The following XYLT1 variants were observed in gnomAD, a reference collection of about 807,000 sequenced individuals.
XYLT1 encodes xylosyltransferase 1.
XYLT1 carries 36 observed loss-of-function variants against 91.3 expected under a neutral mutation model. The observed-to-expected ratio is 0.39, with a 90% CI of 0.30 to 0.52. XYLT1 has a LOEUF of 0.52. Ranked by LOEUF, XYLT1 falls within the 20% of genes least tolerant of loss-of-function variation. The pLI is 0.68. For synonymous variants in XYLT1, 588 were observed against 532.0 expected (o/e 1.11, Z -1.45); for missense variants, 1,242 against 1,284.5 (o/e 0.97, Z 0.51).
chr16:17,438,873 C>G (rs11859707), intron 1 of XYLT1, among the ~76,000 whole-genome samples: 1 of 151,886 alleles, frequency 6.6e-6, no homozygotes, highest in Non-Finnish European at 1.5e-5. Context: ...TCCCTCAACA[C>G]TGGGAATTAC....
intron 3 of XYLT1, among the ~76,000 whole-genome samples, chr16:17,233,494 C>T (rs575535637): frequency 7.2e-5 from 11 of 152,358 alleles, no homozygotes; most frequent in African/African-American, 2.2e-4. Context: ...CAGGGCTCTG[C>T]GCATACTAAG....
chr16:17,179,752 C>T (rs924386152), intron 5 of XYLT1, among the ~76,000 whole-genome samples: 5 of 152,194 alleles, frequency 3.3e-5, no homozygotes, highest in Non-Finnish European at 7.3e-5. Context: ...TTTAAATCAA[C>T]TTTCATTTTA....
At chr16:17,433,475 T>C (rs780776955) in intron 1 of XYLT1, among the ~76,000 whole-genome samples, 4 of 152,200 alleles carry the variant, frequency 2.6e-5, no homozygotes, top group African/African-American at 2.4e-5. Flanking sequence ...CCTAGAATGA[T>C]CCACAGTGTC....
chr16:17,225,175 A>ACTCTCTCTCT (rs1340850799), intron 3 of XYLT1, among the ~76,000 whole-genome samples: 17 of 88,034 alleles, frequency 1.9e-4, no homozygotes, highest in African/African-American at 2.7e-4. Flanking sequence ...ACACACACAC[A>ACTCTCTCTCT]CACTCTCTCT....
chr16:17,189,864 T>C (rs374739004), intron 5 of XYLT1, among the ~76,000 whole-genome samples: 13 of 152,074 alleles, frequency 8.5e-5, no homozygotes, highest in East Asian at 3.9e-4. Context: ...CTGACCAACA[T>C]GGTGAAACCC....
At chr16:17,339,143 C>G (rs890004256) in intron 2 of XYLT1, among the ~76,000 whole-genome samples, 2 of 152,196 alleles carry the variant, frequency 1.3e-5, no homozygotes, top group Non-Finnish European at 2.9e-5. Flanking sequence ...TATGATTTCT[C>G]TCTCCATCTA....
chr16:17,336,338 C>T (rs571231512), intron 2 of XYLT1, among the ~76,000 whole-genome samples: 1 of 152,324 alleles, frequency 6.6e-6, no homozygotes, highest in Admixed American at 6.5e-5. Flanking sequence ...CCAATACTGT[C>T]ATCTGATTCT....
intron 5 of XYLT1, among the ~76,000 whole-genome samples, chr16:17,174,428 TAGTC>T (rs2031894483): frequency 6.6e-6 from 1 of 152,306 alleles, no homozygotes; most frequent in Admixed American, 6.5e-5. Flanking sequence ...AATGGGATAT[TAGTC>T]AGCCATAGAA....
chr16:17,252,445 A>C (rs1380388317), intron 3 of XYLT1, among the ~76,000 whole-genome samples: 1 of 152,080 alleles, frequency 6.6e-6, no homozygotes. Context: ...GCTCAAAACA[A>C]ATTTCTCGGA....
chr16:17,170,686 A>G (rs1436776119), intron 5 of XYLT1, among the ~76,000 whole-genome samples: 3 of 152,194 alleles, frequency 2.0e-5, no homozygotes, highest in Non-Finnish European at 4.4e-5. Flanking sequence ...CTTTGTGCTT[A>G]TGGCTGAGAA....
chr16:17,354,665 C>T (rs969707590), intron 2 of XYLT1: 1 of 152,218 alleles, frequency 6.6e-6, no homozygotes, highest in Non-Finnish European at 1.5e-5. Flanking sequence ...AAAGCGGGAA[C>T]TGACCCAGGG....
At chr16:17,211,286 A>C (rs2032751724) in intron 3 of XYLT1, among the ~76,000 whole-genome samples, 1 of 152,128 alleles carries the variant, frequency 6.6e-6, no homozygotes, top group Non-Finnish European at 1.5e-5. Flanking sequence ...GTAAAGGCAA[A>C]GGGCAGGGGG....
intron 5 of XYLT1, among the ~76,000 whole-genome samples, chr16:17,163,478 A>G (rs958461848): frequency 6.6e-6 from 1 of 152,160 alleles, no homozygotes; most frequent in South Asian, 2.1e-4. Context: ...GGAGCCCAAC[A>G]CAAAGCCAAC....
chr16:17,167,444 T>C (rs2031716589), intron 5 of XYLT1, among the ~76,000 whole-genome samples: 1 of 152,218 alleles, frequency 6.6e-6, no homozygotes, highest in Non-Finnish European at 1.5e-5. Flanking sequence ...TTCCATCTCG[T>C]GAATGGATTC....
Position 17,134,733 on chromosome 16 carries a change from C to T in XYLT1, c.1767G>A (p.Gln589=). 1 of 1,613,984 alleles carries T rather than the reference C, an allele frequency of 6.2e-7. No homozygotes were observed. Among genetic ancestry groups the T allele is most frequent in the Non-Finnish European group, 8.5e-7 (1 of 1,179,894 alleles). ...FKPQDFHRFQ[Q]TARPTFFARK... ...GGGCAAAGAAGGTAGGCCGGGCTGTCTGCTGTACTCATGGGATTAAAAATA... is the reference window on the plus strand; with the variant it reads ...GGGCAAAGAAGGTAGGCCGGGCTGTTTGCTGTACTCATGGGATTAAAAATA... The change falls in exon 9 of 12, where the codon CAG becomes CAA. Residue 589 remains glutamine (Q), a splice_region_variant and synonymous_variant. Transcript: ENST00000261381.
intron 5 of XYLT1, among the ~76,000 whole-genome samples, chr16:17,186,123 G>A (rs2032177575): frequency 6.6e-6 from 1 of 152,180 alleles, no homozygotes; most frequent in South Asian, 2.1e-4. Context: ...TATTTTTTAA[G>A]ACGGAATTTC....
Position 17,105,478 on chromosome 16 carries a change from T to A in XYLT1, c.*3217A>T, listed in dbSNP as rs1966761587. 1 of 152,176 alleles carries A rather than the reference T, an allele frequency of 6.6e-6. No individual in the cohort carries two copies. 9.4% of individuals were successfully genotyped at this position (152,176 alleles called of 1,614,324 possible). A position where few individuals can be genotyped will look rare whatever the true frequency, so the allele number is the denominator to read the frequency against. Reference sequence around the variant, plus strand: ...GCGCGCTTCTCACAACACGGGGACCTTGGGAATTGCTCACTGCCTCCTTGG... The same window carrying A: ...GCGCGCTTCTCACAACACGGGGACCATGGGAATTGCTCACTGCCTCCTTGG... On this transcript the variant is annotated 3_prime_UTR_variant, in exon 12 of 12. Transcript: ENST00000261381.
At chr16:17,414,881 G>C (rs1031742295) in intron 1 of XYLT1, among the ~76,000 whole-genome samples, 1 of 152,078 alleles carries the variant, frequency 6.6e-6, no homozygotes. Flanking sequence ...AATACCCAAC[G>C]GGGCCGGCAT....
chr16:17,435,073 C>A (rs2036439307), intron 1 of XYLT1, among the ~76,000 whole-genome samples: 1 of 152,216 alleles, frequency 6.6e-6, no homozygotes, highest in African/African-American at 2.4e-5. Flanking sequence ...AGGCCACTTA[C>A]TTCCCAGGCA....
Sources: gnomAD v4.1 joint callset for allele counts (sites outside exome capture counted in the v4.1 genomes callset) on GRCh38, gnomAD v4.1.1 for gene constraint, MANE v1.5 for transcripts, NCBI Gene and HGNC (gene_info 2026-07-23, HGNC 2026-07-21) for gene names.